The following KCNK2 variants were observed in gnomAD, a reference collection of about 807,000 sequenced individuals.
KCNK2 encodes potassium two pore domain channel subfamily K member 2, also known as potassium channel subfamily K member 2.
A neutral mutation model predicts 40.5 loss-of-function variants in KCNK2; 21 were observed. The observed-to-expected ratio is 0.52, with a 90% confidence interval of 0.37 to 0.75. The LOEUF (loss-of-function observed/expected upper bound fraction) is 0.75. Ranked by LOEUF, KCNK2 falls within the 30% of genes least tolerant of loss-of-function variation. The probability of loss-of-function intolerance (pLI) is 0.00; values close to 1 mark genes in which losing one functional copy is unlikely to be tolerated. For missense variants in KCNK2, 399 were observed against 531.6 expected (o/e 0.75, Z 2.45); for synonymous variants, 191 against 202.2 (o/e 0.94, Z 0.47).
intron 1 of KCNK2, among the ~76,000 whole-genome samples, chr1:215,027,836 T>C (rs914106151): frequency 6.6e-6 from 1 of 152,200 alleles, no homozygotes; most frequent in African/African-American, 2.4e-5. Flanking sequence ...TGCCTTCCAT[T>C]CACTTCTGTA....
At chr1:215,202,860 T>C (rs1314144252) in intron 6 of KCNK2, among the ~76,000 whole-genome samples, 1 of 152,180 alleles carries the variant, frequency 6.6e-6, no homozygotes, top group Non-Finnish European at 1.5e-5. Flanking sequence ...TCAGATGACT[T>C]GACTCCATGG....
intron 1 of KCNK2, among the ~76,000 whole-genome samples, chr1:215,076,872 G>C (rs1365605167): frequency 6.6e-6 from 1 of 152,176 alleles, no homozygotes; most frequent in African/African-American, 2.4e-5. Flanking sequence ...GATATCAAGT[G>C]TCAGACATCT....
intron 5 of KCNK2, among the ~76,000 whole-genome samples, chr1:215,183,407 A>T (rs983983999): frequency 1.3e-5 from 2 of 152,142 alleles, no homozygotes; most frequent in African/African-American, 4.8e-5. Flanking sequence ...CTTAACCTAA[A>T]ATAGGTCATG....
rs1664916239 is a variant in KCNK2 at position 215,197,553 on chromosome 1, A to G, written c.963+2461A>G. On this transcript the variant is annotated intron_variant, in intron 6 of 6. Coordinates refer to ENST00000444842, the MANE Select transcript of KCNK2 (RefSeq NM_001017425.3). ...ATTAGGGCCCCACTTTTTTGACCTC[A>G]TTGAACCTTAATTACCTTCTTTAAA... Among the ~76,000 whole-genome samples, 3 of 152,100 alleles carry G rather than the reference A, an allele frequency of 2.0e-5. No individual in the cohort carries two copies. The South Asian group carries it at 6.2e-4, about 32-fold the overall frequency.
At chr1:215,007,185 GTA>G (rs1162302568) in intron 1 of KCNK2, among the ~76,000 whole-genome samples, 4,246 of 29,804 alleles carry the variant, frequency 0.14, 141 homozygotes, top group East Asian at 0.2. Flanking sequence ...ATGTGTGTGG[GTA>G]TATATATATA....
At chr1:215,057,388 G>T (rs1658206711) in intron 1 of KCNK2, among the ~76,000 whole-genome samples, 1 of 152,140 alleles carries the variant, frequency 6.6e-6, no homozygotes, top group Non-Finnish European at 1.5e-5. Context: ...AAGGAGCAGG[G>T]CAGAAGGAGT....
At chr1:215,185,652 T>C (rs899164852) in intron 5 of KCNK2, among the ~76,000 whole-genome samples, 22 of 152,284 alleles carry the variant, frequency 1.4e-4, no homozygotes, top group Non-Finnish European at 2.8e-4. Context: ...CTATTAGATG[T>C]CCTAAAGACA....
At chr1:215,174,961 C>T (rs890975966) in intron 5 of KCNK2, among the ~76,000 whole-genome samples, 1 of 152,054 alleles carries the variant, frequency 6.6e-6, no homozygotes, top group Non-Finnish European at 1.5e-5. Flanking sequence ...CCCTTTATTT[C>T]TTTCTCCTGC....
intron 6 of KCNK2, among the ~76,000 whole-genome samples, chr1:215,218,549 C>T (rs1308090618): frequency 1.3e-5 from 2 of 152,166 alleles, no homozygotes. Flanking sequence ...TTATGCATCA[C>T]AAGTCCTAGT....
intron 3 of KCNK2, among the ~76,000 whole-genome samples, chr1:215,163,851 G>A (rs1346781081): frequency 4.6e-5 from 7 of 152,112 alleles, no homozygotes; most frequent in Admixed American, 2.0e-4. Flanking sequence ...TTGCCTCGAT[G>A]TTCATCAGGG....
At chr1:215,027,692 ATACT>A (rs1657045611) in intron 1 of KCNK2, among the ~76,000 whole-genome samples, 2 of 152,128 alleles carry the variant, frequency 1.3e-5, no homozygotes, top group Admixed American at 1.3e-4. Flanking sequence ...AATCATGTTG[ATACT>A]TAATTTATGC....
chr1:215,182,463 A>T (rs1371986297), intron 5 of KCNK2, among the ~76,000 whole-genome samples: 1 of 152,068 alleles, frequency 6.6e-6, no homozygotes, highest in African/African-American at 2.4e-5. Context: ...ACTGCACTAC[A>T]ATCTCAGGGG....
intron 6 of KCNK2, among the ~76,000 whole-genome samples, chr1:215,206,724 A>G (rs747921912): frequency 5.9e-5 from 9 of 152,062 alleles, no homozygotes; most frequent in Non-Finnish European, 1.3e-4. Context: ...ACGTGAGCAC[A>G]TCATAACTGC....
chr1:215,164,209 C>T (rs955524067), intron 3 of KCNK2, among the ~76,000 whole-genome samples: 4 of 152,026 alleles, frequency 2.6e-5, no homozygotes, highest in South Asian at 4.1e-4. Context: ...ATTTGCGTAG[C>T]GGTGTTTATA....
At chr1:215,187,747 A>C (rs889512775) in intron 5 of KCNK2, among the ~76,000 whole-genome samples, 14 of 151,754 alleles carry the variant, frequency 9.2e-5, no homozygotes, top group African/African-American at 3.4e-4. Context: ...GAAGTCCTTA[A>C]CACTCCTTTT....
intron 2 of KCNK2, among the ~76,000 whole-genome samples, chr1:215,088,174 A>C (rs1265719718): frequency 6.6e-6 from 1 of 152,018 alleles, no homozygotes; most frequent in Non-Finnish European, 1.5e-5. Context: ...AGGTACTAAA[A>C]ATCTTTGAAA....
intron 5 of KCNK2, among the ~76,000 whole-genome samples, chr1:215,179,925 C>G (rs757499030): frequency 6.6e-6 from 1 of 151,970 alleles, no homozygotes; most frequent in Non-Finnish European, 1.5e-5. Flanking sequence ...AGTTTTCTGC[C>G]TTGATGATCT....
chr1:215,031,451 C>A (rs776446613), intron 1 of KCNK2, among the ~76,000 whole-genome samples: 5 of 152,122 alleles, frequency 3.3e-5, no homozygotes, highest in Non-Finnish European at 5.9e-5. Context: ...TTTAGGCTTA[C>A]ACCTAAATAT....
chr1:215,177,741 T>TATATGTGTATATATATATATATATATATA (rs1553270860), intron 5 of KCNK2, among the ~76,000 whole-genome samples: 2 of 20,614 alleles, frequency 9.7e-5, no homozygotes, highest in African/African-American at 3.4e-4. Context: ...TATATATATA[T>TATATGTGTATATATATATATATATATATA]TTTTTTTTTT....
Sources: gnomAD v4.1 joint callset for allele counts (sites outside exome capture counted in the v4.1 genomes callset) on GRCh38, gnomAD v4.1.1 for gene constraint, MANE v1.5 for transcripts, NCBI Gene and HGNC (gene_info 2026-07-23, HGNC 2026-07-21) for gene names.